ANK3: variants seen among roughly 807,000 people sequenced by gnomAD.
ANK3 encodes ankyrin-3.
ANK3 carries 57 observed loss-of-function variants against 370.9 expected under a neutral mutation model. The ratio of observed to expected loss-of-function variants is 0.15; its 90% CI spans 0.12 to 0.19. ANK3 has a LOEUF of 0.19. Among genes scored for constraint, ANK3 ranks in the 10% least tolerant of loss-of-function variants. The pLI, the probability that ANK3 is intolerant of heterozygous loss-of-function variation, is 1.00. For synonymous variants in ANK3, 1,929 were observed against 1,946.3 expected (o/e 0.99, Z 0.23); for missense variants, 4,439 against 5,302.1 (o/e 0.84, Z 5.06).
At chr10:60,403,167 C>A (rs896356793) in intron 2 of ANK3, among the ~76,000 whole-genome samples, 2 of 151,992 alleles carry the variant, frequency 1.3e-5, no homozygotes, top group Non-Finnish European at 1.5e-5. Flanking sequence ...ATCTAAGGAG[C>A]CTATGTAGAA....
chr10:60,140,597 C>A, intron 23 of ANK3: 2 of 1,392,510 alleles, frequency 1.4e-6, no homozygotes, highest in Non-Finnish European at 1.9e-6. Context: ...TTCAGGCCCC[C>A]AAAAAAATCT....
chr10:60,684,535 A>C, intron 1 of ANK3: 1 of 1,570,020 alleles, frequency 6.4e-7, no homozygotes, highest in Non-Finnish European at 8.7e-7. Flanking sequence ...CCAGACTTCT[A>C]TCCTGTCCAG....
chr10:60,582,692 T>C (rs1178526440), intron 2 of ANK3, among the ~76,000 whole-genome samples: 1 of 150,260 alleles, frequency 6.7e-6, no homozygotes, highest in Non-Finnish European at 1.5e-5. Flanking sequence ...AATATATTGA[T>C]TCCTTCTACA....
chr10:60,054,520 GA>G (rs889957602), intron 42 of ANK3, among the ~76,000 whole-genome samples: 7 of 150,358 alleles, frequency 4.7e-5, no homozygotes, highest in Admixed American at 1.3e-4. Context: ...TACTTACAGG[GA>G]AAAAAAAATA....
chr10:60,517,067 T>A (rs116679007), intron 2 of ANK3, among the ~76,000 whole-genome samples: 2,008 of 152,110 alleles, frequency 0.013, 57 homozygotes, highest in African/African-American at 0.046. Context: ...TGATTCTTAG[T>A]TTTTTCTGTT....
At chr10:60,207,751 G>A (rs953791127) in intron 10 of ANK3, among the ~76,000 whole-genome samples, 4 of 152,076 alleles carry the variant, frequency 2.6e-5, no homozygotes, top group African/African-American at 7.2e-5. Flanking sequence ...ACAATAAGAC[G>A]ACGTTGGCCA....
At chr10:60,647,291 T>C (rs1244302672) in intron 1 of ANK3, among the ~76,000 whole-genome samples, 2 of 152,216 alleles carry the variant, frequency 1.3e-5, no homozygotes, top group African/African-American at 2.4e-5. Context: ...AGCTTTTTGG[T>C]TGAAAATATA....
chr10:60,419,043 A>G (rs1594990460), intron 2 of ANK3, among the ~76,000 whole-genome samples: 1 of 152,170 alleles, frequency 6.6e-6, no homozygotes, highest in East Asian at 1.9e-4. Context: ...TTAGGTTGAA[A>G]TTCTCAATTT....
At chr10:60,510,041 G>C (rs1393375645) in intron 2 of ANK3, among the ~76,000 whole-genome samples, 1 of 151,494 alleles carries the variant, frequency 6.6e-6, no homozygotes, top group Non-Finnish European at 1.5e-5. Context: ...ACAAGGCCAT[G>C]GTCTCTTTAT....
intron 23 of ANK3, among the ~76,000 whole-genome samples, chr10:60,156,543 C>G (rs370087349): frequency 8.5e-5 from 13 of 152,110 alleles, no homozygotes; most frequent in East Asian, 7.8e-4. Context: ...TTAGAGTGAC[C>G]GCATTATCCC....
chr10:60,591,058 A>C (rs1234769839), intron 2 of ANK3, among the ~76,000 whole-genome samples: 3 of 152,126 alleles, frequency 2.0e-5, no homozygotes, highest in Non-Finnish European at 4.4e-5. Flanking sequence ...AGAGCAAGAG[A>C]CACAAAACAC....
chr10:60,261,741 C>T (rs1319631006), intron 7 of ANK3, 118 bp downstream of exon 7: 6 of 769,956 alleles, frequency 7.8e-6, no homozygotes, highest in African/African-American at 6.9e-5. Flanking sequence ...GAAATCATAG[C>T]CTTCACTGAC....
chr10:60,134,493 TC>T, intron 24 of ANK3, 120 bp from the exon 25 acceptor site: 1 of 663,666 alleles, frequency 1.5e-6, no homozygotes, highest in Non-Finnish European at 2.5e-6. Flanking sequence ...CAAAAGTTGT[TC>T]TTGAAAGGAC....
At chr10:60,031,389 T>A (rs1027218347) in intron 43 of ANK3, among the ~76,000 whole-genome samples, 3 of 152,200 alleles carry the variant, frequency 2.0e-5, no homozygotes, top group African/African-American at 7.2e-5. Flanking sequence ...TCAAAATAAA[T>A]CATTCTTTGG....
chr10:60,421,291 T>C (rs901290546), intron 2 of ANK3, among the ~76,000 whole-genome samples: 4 of 152,112 alleles, frequency 2.6e-5, no homozygotes, highest in Non-Finnish European at 4.4e-5. Context: ...TTAATGCCAG[T>C]GAATTGTGTA....
intron 1 of ANK3, among the ~76,000 whole-genome samples, chr10:60,361,774 G>A (rs1566842288): frequency 6.6e-6 from 1 of 152,058 alleles, no homozygotes; most frequent in Non-Finnish European, 1.5e-5. Flanking sequence ...AGAAGAGAAA[G>A]GTCGTTAATC....
At chr10:60,425,350 T>C (rs1467390945) in intron 2 of ANK3, among the ~76,000 whole-genome samples, 2 of 152,120 alleles carry the variant, frequency 1.3e-5, no homozygotes, top group Admixed American at 6.6e-5. Context: ...AGCTACTACA[T>C]TGACAAAACT....
At chr10:60,459,180 T>C (rs1230113686) in intron 2 of ANK3, among the ~76,000 whole-genome samples, 1 of 152,152 alleles carries the variant, frequency 6.6e-6, no homozygotes, top group Non-Finnish European at 1.5e-5. Flanking sequence ...TACAGAACAA[T>C]TTGAGATTGT....
chr10:60,473,464 C>A (rs2065264694), intron 2 of ANK3, among the ~76,000 whole-genome samples: 1 of 152,086 alleles, frequency 6.6e-6, no homozygotes, highest in African/African-American at 2.4e-5. Context: ...GAGTATAAGT[C>A]AGGATTTTAC....
Sources: gnomAD v4.1 joint callset for allele counts (sites outside exome capture counted in the v4.1 genomes callset) on GRCh38, gnomAD v4.1.1 for gene constraint, MANE v1.5 for transcripts, NCBI Gene and HGNC (gene_info 2026-07-23, HGNC 2026-07-21) for gene names.